The following PIGS variants were observed in gnomAD, a reference collection of about 807,000 sequenced individuals.
PIGS encodes phosphatidylinositol glycan anchor biosynthesis class S.
Under a neutral mutation model 58.2 loss-of-function variants are expected in PIGS, and 37 were observed. The ratio of observed to expected loss-of-function variants is 0.64; its 90% CI spans 0.49 to 0.84. The LOEUF is 0.84. Ranked by LOEUF, PIGS falls within the 40% of genes least tolerant of loss-of-function variation. The pLI is 0.00. For missense variants in PIGS, 629 were observed against 710.8 expected (o/e 0.88, Z 1.31); for synonymous variants, 269 against 289.2 (o/e 0.93, Z 0.71).
rs769890071 is a variant in PIGS at position 28,556,182 on chromosome 17, A to ACACCTCCATCACTCGCACCATGTC, written c.1141_1164dup (p.Asp381_Val388dup). On this transcript the variant is annotated inframe_insertion, in exon 10 of 12. Coordinates refer to ENST00000308360, the MANE Select transcript of PIGS (RefSeq NM_033198.4). ...GGACCTCACCGCAACTGTGCCAGGA[A>ACACCTCCATCACTCGCACCATGTC]CACCTCCATCACTCGCACCATGTCC... The ACACCTCCATCACTCGCACCATGTC allele has an allele frequency of 1.9e-6, 3 of 1,613,638 alleles. No homozygotes were observed. In the East Asian group the frequency reaches 6.7e-5, roughly 36 times the overall value.
intron 5 of PIGS, 80 bp downstream of exon 5, chr17:28,563,351 C>A: frequency 1.7e-6 from 2 of 1,203,266 alleles, no homozygotes; most frequent in Middle Eastern, 1.9e-4. Flanking sequence ...AAATGGGTAG[C>A]AATGATGCAA....
chr17:28,565,529 CTT>C (rs1295698352), intron 3 of PIGS, among the ~76,000 whole-genome samples: 2 of 152,180 alleles, frequency 1.3e-5, no homozygotes, highest in African/African-American at 4.8e-5. Flanking sequence ...AAAAGTTCCT[CTT>C]TTCTTTATAA....
chr17:28,556,227 G>A lies in PIGS; in HGVS notation c.1120C>T (p.Leu374=), dbSNP rs374862405. ...ATGTCCACCTCGACTCTCACTGGCA[G>A]CACTGAGGCATTATAGGTTTTGGAG... ...VDSKTYNASV[L]PVRVEVDMVR... The change falls in exon 10 of 12, where the codon CTG becomes TTG. Residue 374 remains leucine (L), a synonymous_variant. Coordinates refer to ENST00000308360, the MANE Select transcript of PIGS (RefSeq NM_033198.4). 1.9e-6 allele frequency: 3 copies of A among 1,613,774 alleles called. No homozygotes were observed. Among genetic ancestry groups the A allele is most frequent in the African/African-American group, 2.7e-5 (2 of 74,898 alleles).
intron 6 of PIGS, among the ~76,000 whole-genome samples, 161 bp downstream of exon 6, chr17:28,561,261 T>C (rs1431050425): frequency 6.6e-6 from 1 of 150,870 alleles, no homozygotes; most frequent in Non-Finnish European, 1.5e-5. Flanking sequence ...CGTCTCAAAA[T>C]AAATAACTAA....
intron 3 of PIGS, among the ~76,000 whole-genome samples, chr17:28,570,239 G>A (rs778675911): frequency 3.3e-5 from 5 of 152,218 alleles, no homozygotes; most frequent in Non-Finnish European, 7.3e-5. Context: ...GGCTGGGCGC[G>A]GTGGCTCACG....
intron 5 of PIGS, among the ~76,000 whole-genome samples, chr17:28,562,907 C>A (rs1348603376): frequency 6.6e-6 from 1 of 150,392 alleles, no homozygotes. Context: ...TGCCATGTTG[C>A]CCAGGCTGGT....
At chr17:28,557,065 G>A in intron 8 of PIGS, 93 bp from the exon 9 acceptor site, 2 of 1,358,444 alleles carry the variant, frequency 1.5e-6, no homozygotes, top group Middle Eastern at 1.9e-4. Flanking sequence ...CTCACTCTGG[G>A]ACTGATTCCC....
At chr17:28,557,264 A>G (rs1038157963) in intron 8 of PIGS, 1 of 370,704 alleles carries the variant, frequency 2.7e-6, no homozygotes, top group Non-Finnish European at 4.9e-6. Flanking sequence ...CAATGTACCC[A>G]TATTACTACA....
chr17:28,554,075 T>G lies in PIGS; in HGVS notation c.*145A>C, dbSNP rs540462627. On this transcript the variant is annotated 3_prime_UTR_variant, in exon 12 of 12. Coordinates refer to ENST00000308360, the MANE Select transcript of PIGS (RefSeq NM_033198.4). ...GAAAAGATGAACCCATCTTGGAGTG[T>G]TGTACTTTGGTTGCTGGAGAGCCAA... 1,733 of 1,034,542 alleles carry G rather than the reference T, an allele frequency of 1.7e-3. 11 individuals are homozygous for G. Among genetic ancestry groups the G allele is most frequent in the South Asian group, 4.3e-3 (271 of 63,562 alleles). The allele number at this position is 1,034,542 out of a possible 1,614,324, so 64.1% of individuals were successfully genotyped here.
chr17:28,560,534 T>C (rs1478023515), intron 6 of PIGS, among the ~76,000 whole-genome samples: 1 of 152,016 alleles, frequency 6.6e-6, no homozygotes, highest in Non-Finnish European at 1.5e-5. Flanking sequence ...TCCCAGCACT[T>C]TGGGAGGCCG....
Position 28,563,837 on chromosome 17 carries a change from C to G in PIGS, c.357G>C (p.Leu119=). The G allele has an allele frequency of 6.2e-7, 1 of 1,614,046 alleles. No homozygotes were observed. Among genetic ancestry groups the G allele is most frequent in the Non-Finnish European group, 8.5e-7 (1 of 1,179,874 alleles). ...CCATACCTTGCACACTGCCCGATGA[C>G]AGGGCCTCCTCCTCATGGTCCAAAG... ...RRALDHEEEA[L]SSGSVQEAEA... is the part of the protein sequence containing the mutation. The change falls in exon 4 of 12, where the codon CTG becomes CTC. Residue 119 remains leucine, a synonymous_variant. Transcript: ENST00000308360.
At position 28,554,069 on chromosome 17, in the gene PIGS, G is replaced by A. The variant is rs1287654438; in HGVS notation, c.*151C>T. 1 of 965,564 alleles carries A rather than the reference G, an allele frequency of 1.0e-6. No individual in the cohort carries two copies. Among genetic ancestry groups the A allele is most frequent in the African/African-American group, 1.6e-5 (1 of 60,902 alleles). The allele number at this position is 965,564 out of a possible 1,614,324, so 59.8% of individuals were successfully genotyped here. A position where few individuals can be genotyped will look rare whatever the true frequency, so the allele number is the denominator to read the frequency against. ...AAGGAAGAAAAGATGAACCCATCTT[G>A]GAGTGTTGTACTTTGGTTGCTGGAG... is the stretch of plus-strand genomic sequence containing the variant. On this transcript the variant is annotated 3_prime_UTR_variant, in exon 12 of 12. Coordinates refer to ENST00000308360, the MANE Select transcript of PIGS (RefSeq NM_033198.4).
Position 28,553,842 on chromosome 17 carries a change from G to A in PIGS, c.*378C>T. 3.8e-6 allele frequency: 1 copy of A among 262,344 alleles called. No homozygotes were observed. Among genetic ancestry groups the A allele is most frequent in the East Asian group, 1.0e-4 (1 of 9,660 alleles). The allele number at this position is 262,344 out of a possible 1,614,324, so 16.3% of individuals were successfully genotyped here. On this transcript the variant is annotated 3_prime_UTR_variant, in exon 12 of 12. Transcript: ENST00000308360. ...GCTGTCCCACAGGGACTAGAGAGAG[G>A]TGTGGAAGGCAGGGACTTTCCCATA... is the stretch of plus-strand genomic sequence containing the variant.
rs774049858 is a variant in PIGS at position 28,556,880 on chromosome 17, C to G, written c.1027G>C (p.Gly343Arg). ...HSPLYIQDKD[G>R]APVATNAFHS... ...AAGGCATTGGTGGCCACTGGAGCGC[C>G]ATCCTTGTCCTGAATGTACAGCGGT... Residue 343 changes from glycine (G) to arginine (R), a missense_variant, in exon 9 of 12, where the codon GGC (glycine) becomes CGC (arginine). By Grantham distance (125) the Gly-to-Arg change is moderately radical. Coordinates refer to ENST00000308360, the MANE Select transcript of PIGS (RefSeq NM_033198.4). 2 of 1,614,066 alleles carry G rather than the reference C, an allele frequency of 1.2e-6. No homozygotes were observed. The highest frequency in any genetic ancestry group is 1.7e-6 in the Non-Finnish European group (2 of 1,180,046).
At chr17:28,568,383 G>A (rs951671991) in intron 3 of PIGS, among the ~76,000 whole-genome samples, 1 of 152,180 alleles carries the variant, frequency 6.6e-6, no homozygotes, top group Non-Finnish European at 1.5e-5. Flanking sequence ...GATTACAGGT[G>A]TGAGCTACCA....
rs751182445 is a variant in PIGS at position 28,571,037 on chromosome 17, C to G, written c.174+12G>C. The G allele has an allele frequency of 6.2e-7, 1 of 1,614,140 alleles. No homozygotes were observed. Among genetic ancestry groups the G allele is most frequent in the Admixed American group, 1.7e-5 (1 of 60,034 alleles). The stretch of plus-strand genomic sequence containing the variant: ...GGGGCTGTCCCCCGACCCTCCCGCA[C>G]AGCAGTCTCACCTGAAGGGCATTCA... On this transcript the variant is annotated intron_variant, in intron 2 of 11. Coordinates refer to ENST00000308360, the MANE Select transcript of PIGS (RefSeq NM_033198.4).
intron 3 of PIGS, among the ~76,000 whole-genome samples, chr17:28,567,905 A>T (rs1450914575): frequency 6.6e-6 from 1 of 152,138 alleles, no homozygotes; most frequent in East Asian, 1.9e-4. Context: ...CTCTGCCAAG[A>T]TGCTCTTCCC....
intron 3 of PIGS, among the ~76,000 whole-genome samples, chr17:28,565,787 T>G (rs1290612999): frequency 6.6e-6 from 1 of 152,124 alleles, no homozygotes; most frequent in Non-Finnish European, 1.5e-5. Flanking sequence ...CCCAGCACTT[T>G]AGGAGGCCAA....
At position 28,561,628 on chromosome 17, in the gene PIGS, T is replaced by C. The variant is rs1255944146; in HGVS notation, c.470A>G (p.Asp157Gly). 6.2e-7 allele frequency: 1 copy of C among 1,610,902 alleles called. No individual in the cohort carries two copies. Among genetic ancestry groups the C allele is most frequent in the Admixed American group, 1.7e-5 (1 of 59,674 alleles). Reference sequence around the variant, plus strand: ...CTTGGGCCCAATGTAGCTCATCATGTCCTGTGGGGGTGAGCAAGAGACAGA... The same window carrying C: ...CTTGGGCCCAATGTAGCTCATCATGCCCTGTGGGGGTGAGCAAGAGACAGA... ...ISEHSSLLPQDMMSYIGPKRT... is the reference protein window; with the variant it reads ...ISEHSSLLPQGMMSYIGPKRT... The change falls in exon 6 of 12, where the codon GAC (aspartate) becomes GGC (glycine). Residue 157 changes from aspartate to glycine, a missense_variant and splice_region_variant. By Grantham distance (94) the Asp-to-Gly change is moderately conservative. Transcript: ENST00000308360.
Sources: gnomAD v4.1 joint callset for allele counts (sites outside exome capture counted in the v4.1 genomes callset) on GRCh38, gnomAD v4.1.1 for gene constraint, MANE v1.5 for transcripts, NCBI Gene and HGNC (gene_info 2026-07-23, HGNC 2026-07-21) for gene names.